The following FNDC3A variants were observed in gnomAD, a reference collection of about 807,000 sequenced individuals.
FNDC3A encodes the protein fibronectin type-III domain-containing protein 3A.
FNDC3A carries 32 observed loss-of-function variants against 148.9 expected under a neutral mutation model. That is an observed-to-expected ratio of 0.21 (90% CI 0.16 to 0.29). The LOEUF (loss-of-function observed/expected upper bound fraction) is 0.29, where lower values mean the gene tolerates loss of function less well. FNDC3A is among the 10% of genes least tolerant of loss of function. The pLI is 1.00. For missense variants in FNDC3A, 1,191 were observed against 1,452.8 expected (o/e 0.82, Z 2.93); for synonymous variants, 472 against 473.6 (o/e 1.00, Z 0.04).
intron 25 of FNDC3A, among the ~76,000 whole-genome samples, chr13:49,205,019 C>T (rs1203808431): frequency 6.6e-6 from 1 of 152,054 alleles, no homozygotes; most frequent in Non-Finnish European, 1.5e-5. Flanking sequence ...TACATCAGGG[C>T]CTCATCACTT....
Position 49,131,387 on chromosome 13 carries a change from A to G in FNDC3A, c.490+13A>G. The G allele has an allele frequency of 6.6e-7, 1 of 1,515,176 alleles. No homozygotes were observed. Among genetic ancestry groups the G allele is most frequent in the Non-Finnish European group, 9.2e-7 (1 of 1,089,554 alleles). The allele number at this position is 1,515,176 out of a possible 1,614,324, so 93.9% of individuals were successfully genotyped here. ...TATGGAGATGTAGGTAAGACATCTA[A>G]AAGTATTCCACTGTTATTGAGTTGG... On this transcript the variant is annotated intron_variant, in intron 5 of 25. Transcript: ENST00000492622.
At chr13:49,080,382 AT>A (rs869191183) in intron 3 of FNDC3A, among the ~76,000 whole-genome samples, 14 of 152,098 alleles carry the variant, frequency 9.2e-5, no homozygotes, top group East Asian at 7.7e-4. Flanking sequence ...CCCATACCTC[AT>A]TTTTTCCCCC....
intron 1 of FNDC3A, among the ~76,000 whole-genome samples, chr13:48,993,317 T>C (rs1285212185): frequency 2.0e-5 from 3 of 152,186 alleles, no homozygotes; most frequent in Non-Finnish European, 4.4e-5. Context: ...GAGATGTGAT[T>C]TACTGGGCCC....
intron 8 of FNDC3A, among the ~76,000 whole-genome samples, chr13:49,163,565 A>G (rs1169334930): frequency 1.3e-5 from 2 of 152,168 alleles, no homozygotes; most frequent in African/African-American, 4.8e-5. Flanking sequence ...AGGAAAAGGA[A>G]TTCGCTGACC....
chr13:49,162,469 A>G (rs1331789554), intron 8 of FNDC3A, among the ~76,000 whole-genome samples: 1 of 152,096 alleles, frequency 6.6e-6, no homozygotes, highest in African/African-American at 2.4e-5. Context: ...AGATCATTTA[A>G]GGTCTTCTCT....
intron 1 of FNDC3A, among the ~76,000 whole-genome samples, chr13:49,000,508 A>C (rs1000944022): frequency 2.6e-5 from 4 of 152,184 alleles, no homozygotes; most frequent in African/African-American, 7.2e-5. Flanking sequence ...GAAATCAGGA[A>C]GTGTGAGTCC....
intron 2 of FNDC3A, among the ~76,000 whole-genome samples, chr13:49,073,848 A>G (rs191346731): frequency 2.9e-5 from 4 of 139,352 alleles, no homozygotes; most frequent in African/African-American, 3.0e-5. Context: ...GTGTATATGT[A>G]TATACACACA....
chr13:49,134,017 T>C (rs1253790161), intron 5 of FNDC3A, among the ~76,000 whole-genome samples: 2 of 152,194 alleles, frequency 1.3e-5, no homozygotes, highest in African/African-American at 4.8e-5. Context: ...CAGTTCATCA[T>C]TTTACACTTC....
chr13:49,095,728 G>T (rs1879481465), intron 3 of FNDC3A, among the ~76,000 whole-genome samples: 1 of 152,022 alleles, frequency 6.6e-6, no homozygotes, highest in Admixed American at 6.6e-5. Flanking sequence ...CACATTTTTT[G>T]ATTCAGGGAA....
chr13:49,186,044 A>C lies in FNDC3A; in HGVS notation c.1698A>C (p.Ile566=), dbSNP rs1473482243. 2 of 1,612,392 alleles carry C rather than the reference A, an allele frequency of 1.2e-6. No individual in the cohort carries two copies. Among genetic ancestry groups the C allele is most frequent in the Non-Finnish European group, 1.7e-6 (2 of 1,178,532 alleles). ...EFTTCPDKPG[I]PVKPSVKGKI... ...CTACTTGCCCTGATAAACCAGGCAT[A>C]CCTGTAAAGCCTTCAGTGAAAGGAA... Residue 566 remains isoleucine (I), a synonymous_variant, in exon 15 of 26, where the codon ATA becomes ATC. Coordinates refer to ENST00000492622, the MANE Select transcript of FNDC3A (RefSeq NM_001079673.2).
intron 1 of FNDC3A, among the ~76,000 whole-genome samples, chr13:48,995,114 TA>T: frequency 6.6e-6 from 1 of 152,314 alleles, no homozygotes; most frequent in South Asian, 2.1e-4. Context: ...ATAAGGTCTC[TA>T]TGTTGCCCAG....
intron 2 of FNDC3A, among the ~76,000 whole-genome samples, chr13:49,015,606 A>C (rs1402810676): frequency 1.3e-5 from 2 of 152,106 alleles, no homozygotes; most frequent in Non-Finnish European, 2.9e-5. Flanking sequence ...TCTCCTGCCT[A>C]ATTGCCCTGG....
At chr13:49,135,653 T>C (rs1384694066) in intron 5 of FNDC3A, among the ~76,000 whole-genome samples, 1 of 152,170 alleles carries the variant, frequency 6.6e-6, no homozygotes, top group Non-Finnish European at 1.5e-5. Context: ...TTAAAAAATA[T>C]TTTTCTCATC....
At chr13:49,083,713 A>G (rs979292504) in intron 3 of FNDC3A, among the ~76,000 whole-genome samples, 4 of 152,206 alleles carry the variant, frequency 2.6e-5, no homozygotes, top group African/African-American at 9.6e-5. Context: ...ATTCACCACC[A>G]TGCCCGGCTA....
intron 1 of FNDC3A, among the ~76,000 whole-genome samples, chr13:48,978,041 T>C (rs1460915417): frequency 6.6e-6 from 1 of 152,142 alleles, no homozygotes; most frequent in East Asian, 1.9e-4. Flanking sequence ...GTTATAAGGG[T>C]AATTAATTTA....
At chr13:49,089,727 T>G (rs1879059205) in intron 3 of FNDC3A, among the ~76,000 whole-genome samples, 1 of 152,158 alleles carries the variant, frequency 6.6e-6, no homozygotes, top group South Asian at 2.1e-4. Context: ...CAGATGAGAA[T>G]ACACCCTAGT....
intron 2 of FNDC3A, among the ~76,000 whole-genome samples, chr13:49,013,267 A>G (rs1485104705): frequency 6.6e-6 from 1 of 152,162 alleles, no homozygotes; most frequent in Non-Finnish European, 1.5e-5. Context: ...ATAAGCTGTG[A>G]TTATGCAACT....
In FNDC3A at chr13:49,136,542, C is replaced by T. The variant is rs1481514199; in HGVS notation, c.701C>T (p.Ser234Leu). Residue 234 changes from serine to leucine, a missense_variant, in exon 6 of 26, where the codon TCA becomes TTA. Physicochemically the swap from Ser to Leu is moderately radical, Grantham distance 145. Around this residue, in one of 3 missense-constraint regions of FNDC3A, gnomAD observed 426 missense variants for 473.2 expected, o/e 0.90. Coordinates refer to ENST00000492622, the MANE Select transcript of FNDC3A (RefSeq NM_001079673.2). Reference sequence around the variant, plus strand: ...ATTGCTGGTGGTATAAACACAGGATCAGCAAAAATCAAGTCTGGGAAGGGG... The same window carrying T: ...ATTGCTGGTGGTATAAACACAGGATTAGCAAAAATCAAGTCTGGGAAGGGG... ...GQIAGGINTG[S>L]AKIKSGKGKG... The T allele has an allele frequency of 1.2e-6, 2 of 1,613,960 alleles. No homozygotes were observed. The highest frequency in any genetic ancestry group is 2.2e-5 in the South Asian group (2 of 91,070).
At chr13:49,010,750 A>G (rs761597590) in intron 2 of FNDC3A, among the ~76,000 whole-genome samples, 8 of 152,194 alleles carry the variant, frequency 5.3e-5, no homozygotes, top group Non-Finnish European at 8.8e-5. Flanking sequence ...TCCACATCAT[A>G]ACACCCTCTC....
Sources: allele counts gnomAD v4.1 joint callset (sites outside exome capture counted in the v4.1 genomes callset), GRCh38; gene constraint gnomAD v4.1.1; regional missense constraint gnomAD v4.1.1; transcripts MANE v1.5; gene names NCBI Gene and HGNC (gene_info 2026-07-23, HGNC 2026-07-21).